Variants in PEX5L observed in about 807,000 individuals in gnomAD.
PEX5L encodes the protein peroxisomal biogenesis factor 5 like, also known as PEX5-related protein.
In PEX5L, 30 loss-of-function variants were observed where a neutral mutation model predicts 84.0. That is an observed-to-expected ratio of 0.36 (90% CI 0.27 to 0.48). The LOEUF (loss-of-function observed/expected upper bound fraction) is 0.48, where lower values mean the gene tolerates loss of function less well. Among genes scored for constraint, PEX5L ranks in the 20% least tolerant of loss-of-function variants. PEX5L has a pLI of 0.99. For synonymous variants in PEX5L, 270 were observed against 283.1 expected, an observed-to-expected ratio of 0.95 and a Z score of 0.46; for missense variants, 533 against 754.6, an observed-to-expected ratio of 0.71 and a Z score of 3.44.
rs1381629586 is a variant in PEX5L, at chr3:180,005,437, TATTTTTGTAGGCTGGGC to T, written c.21+31125_21+31141del. Among the ~76,000 whole-genome samples, 9 of 152,210 alleles carry T rather than the reference TATTTTTGTAGGCTGGGC, an allele frequency of 5.9e-5. No individual in the cohort carries two copies. The East Asian group carries it at 1.7e-3, about 29-fold the overall frequency. On this transcript the variant is annotated intron_variant, in intron 1 of 14. Transcript: ENST00000467460. ...CAACACACCTGGCTAATTAAAAAAA[TATTTTTGTAGGCTGGGC>T]GTGGTGGCTCACGCCTGTAATCCCA...
intron 2 of PEX5L, among the ~76,000 whole-genome samples, chr3:179,935,583 A>C (rs1342571871): frequency 6.6e-6 from 1 of 152,130 alleles, no homozygotes; most frequent in Non-Finnish European, 1.5e-5. Flanking sequence ...AATAATGAGA[A>C]ATACATGTTT....
At chr3:179,958,934 G>T (rs1781303256) in intron 2 of PEX5L, among the ~76,000 whole-genome samples, 1 of 152,096 alleles carries the variant, frequency 6.6e-6, no homozygotes, top group Admixed American at 6.6e-5. Context: ...GGCTGAGGCA[G>T]GAGAATGGCG....
chr3:179,910,053 T>C lies in PEX5L; in HGVS notation c.94-11807A>G, dbSNP rs555522230. 7.2e-5 allele frequency among the ~76,000 whole-genome samples: 11 copies of C among 152,394 alleles called. No homozygotes were observed. In the East Asian group the frequency reaches 2.1e-3, roughly 29 times the overall value. On this transcript the variant is annotated intron_variant, in intron 2 of 14. Transcript: ENST00000467460. ...CGAAGCGGTCTTACTCTTACATCTC[T>C]GTTTAGAAAAATCCAGAAAGAATTC... is the stretch of plus-strand genomic sequence containing the variant.
chr3:180,020,521 G>A (rs1002834749), intron 1 of PEX5L, among the ~76,000 whole-genome samples: 1 of 151,500 alleles, frequency 6.6e-6, no homozygotes, highest in African/African-American at 2.4e-5. Context: ...TATTTTACTG[G>A]GAAAAGCTTC....
intron 2 of PEX5L, among the ~76,000 whole-genome samples, chr3:179,935,060 T>TA (rs59755960): frequency 1.2e-3 from 169 of 139,746 alleles, no homozygotes; most frequent in Middle Eastern, 0.011. Flanking sequence ...ATATGAGAAT[T>TA]AAAAAAAAAA....
At chr3:180,026,099 G>C (rs935150300) in intron 1 of PEX5L, among the ~76,000 whole-genome samples, 1 of 145,526 alleles carries the variant, frequency 6.9e-6, no homozygotes, top group Non-Finnish European at 1.5e-5. Flanking sequence ...ATTAAGCGAC[G>C]TATGATGAAT....
chr3:179,881,850 T>C (rs763865929), intron 4 of PEX5L, among the ~76,000 whole-genome samples: 9 of 152,160 alleles, frequency 5.9e-5, no homozygotes, highest in Non-Finnish European at 8.8e-5. Context: ...CCTGAGGCAA[T>C]AGGAACCACT....
At position 180,036,840 on chromosome 3, in the gene PEX5L, A is replaced by C. The variant is rs1448312480; in HGVS notation, c.-241T>G. 7.1e-6 allele frequency: 4 copies of C among 563,568 alleles called. No individual in the cohort carries two copies. The highest frequency in any genetic ancestry group is 1.3e-5 in the Non-Finnish European group (4 of 312,082). 34.9% of individuals were successfully genotyped at this position (563,568 alleles called of 1,614,324 possible). On this transcript the variant is annotated 5_prime_UTR_variant, in exon 1 of 15. Transcript: ENST00000467460. ...CGCGGGAGAGCGCGCAGAGAAGGCG[A>C]GGAGCCGGGTCGGCCAGGCTCTCCT...
At chr3:179,838,116 G>C (rs1735682617) in intron 8 of PEX5L, among the ~76,000 whole-genome samples, 2 of 152,120 alleles carry the variant, frequency 1.3e-5, no homozygotes, top group African/African-American at 4.8e-5. Context: ...TTTCTTTCAA[G>C]AATAATCTTA....
intron 1 of PEX5L, among the ~76,000 whole-genome samples, chr3:180,004,553 A>G (rs1788702936): frequency 6.6e-6 from 1 of 152,148 alleles, no homozygotes; most frequent in Non-Finnish European, 1.5e-5. Flanking sequence ...ACAAAATGAA[A>G]TAGAAACTTG....
chr3:179,987,715 G>A (rs1254085104), intron 1 of PEX5L, among the ~76,000 whole-genome samples: 2 of 152,146 alleles, frequency 1.3e-5, no homozygotes, highest in African/African-American at 4.8e-5. Context: ...TAAGTAACTG[G>A]AGCAGAACCC....
chr3:179,796,688 C>T lies in PEX5L; in HGVS notation c.*5140G>A, dbSNP rs1717114186. The T allele has an allele frequency of 6.6e-6, 1 of 152,206 alleles. No individual in the cohort carries two copies. 9.4% of individuals were successfully genotyped at this position (152,206 alleles called of 1,614,324 possible). On this transcript the variant is annotated 3_prime_UTR_variant, in exon 15 of 15. Transcript: ENST00000467460. The stretch of plus-strand genomic sequence containing the variant: ...GACCACATGGTCTCACTGAGCTTTG[C>T]TCTCTCCCTTTCTGGTCTCCTCATA...
intron 2 of PEX5L, among the ~76,000 whole-genome samples, chr3:179,969,811 C>A (rs185254360): frequency 6.6e-6 from 1 of 152,100 alleles, no homozygotes. Context: ...AGGCAAACAG[C>A]GACTCTGAGA....
chr3:179,974,809 GT>G (rs767123213), intron 1 of PEX5L, among the ~76,000 whole-genome samples: 9 of 152,194 alleles, frequency 5.9e-5, no homozygotes, highest in Admixed American at 5.9e-4. Flanking sequence ...CCTACCTCCT[GT>G]TTCCTACCCC....
intron 2 of PEX5L, among the ~76,000 whole-genome samples, chr3:179,929,874 T>C (rs1772540001): frequency 6.6e-6 from 1 of 152,174 alleles, no homozygotes; most frequent in South Asian, 2.1e-4. Flanking sequence ...TCTGGTTCTC[T>C]TGTTGTTTAT....
At chr3:179,891,312 C>T (rs575838132) in intron 3 of PEX5L, among the ~76,000 whole-genome samples, 3 of 152,222 alleles carry the variant, frequency 2.0e-5, no homozygotes, top group Admixed American at 1.3e-4. Context: ...AACAAACTAC[C>T]TTCTGAGTCA....
intron 3 of PEX5L, among the ~76,000 whole-genome samples, chr3:179,889,706 G>A (rs1350704506): frequency 6.6e-6 from 1 of 152,058 alleles, no homozygotes; most frequent in African/African-American, 2.4e-5. Flanking sequence ...CTGAGCCCCA[G>A]TGCTTTTTAT....
chr3:179,874,061 T>C (rs1043297975), intron 7 of PEX5L, among the ~76,000 whole-genome samples: 5 of 151,838 alleles, frequency 3.3e-5, no homozygotes, highest in Admixed American at 6.6e-5. Context: ...CAGTAAATGG[T>C]AGAACAAGGA....
At chr3:179,966,372 G>A (rs890547237) in intron 2 of PEX5L, among the ~76,000 whole-genome samples, 1 of 152,144 alleles carries the variant, frequency 6.6e-6, no homozygotes, top group Non-Finnish European at 1.5e-5. Context: ...CTTTGTAAGT[G>A]TCCTCAGGGG....
Sources: allele counts gnomAD v4.1 joint callset (sites outside exome capture counted in the v4.1 genomes callset), GRCh38; gene constraint gnomAD v4.1.1; transcripts MANE v1.5; gene names NCBI Gene and HGNC (gene_info 2026-07-23, HGNC 2026-07-21).